The following INPP4B variants were observed in gnomAD, a reference collection of about 807,000 sequenced individuals.
INPP4B encodes inositol polyphosphate-4-phosphatase type II B, also known as inositol polyphosphate 4-phosphatase type II.
A neutral mutation model predicts 122.5 loss-of-function variants in INPP4B; 55 were observed. That is an observed-to-expected ratio of 0.45 (90% CI 0.36 to 0.56). The LOEUF (loss-of-function observed/expected upper bound fraction) is 0.56. Ranked by LOEUF, INPP4B falls within the 20% of genes least tolerant of loss-of-function variation. INPP4B has a pLI of 0.00. For missense variants in INPP4B, 1,000 were observed against 1,097.7 expected (o/e 0.91, Z 1.26); for synonymous variants, 403 against 388.7 (o/e 1.04, Z -0.43).
At chr4:142,786,039 T>C (rs1466470687) in intron 1 of INPP4B, among the ~76,000 whole-genome samples, 2 of 152,144 alleles carry the variant, frequency 1.3e-5, no homozygotes, top group Non-Finnish European at 2.9e-5. Context: ...TGCAGGTTAA[T>C]ATATAAACAT....
At chr4:142,736,204 A>G (rs1217221874) in intron 1 of INPP4B, among the ~76,000 whole-genome samples, 2 of 152,162 alleles carry the variant, frequency 1.3e-5, no homozygotes, top group African/African-American at 2.4e-5. Flanking sequence ...AGATGATCAG[A>G]AGGAATATTA....
At position 142,572,328 on chromosome 4, in the gene INPP4B, A is replaced by G. The variant is rs17016395; in HGVS notation, c.-190-109602T>C. ...GAACCTGAGAACAAGGTGCACCTGC[A>G]GAGAGAGCTGTGGGGTATCTACATT... On this transcript the variant is annotated intron_variant, in intron 2 of 25. Transcript: ENST00000262992. 3.3e-3 allele frequency among the ~76,000 whole-genome samples: 497 copies of G among 152,254 alleles called. 6 individuals are homozygous for G. Among genetic ancestry groups the G allele is most frequent in the East Asian group, 0.017 (90 of 5,162 alleles).
intron 17 of INPP4B, among the ~76,000 whole-genome samples, chr4:142,153,468 T>G (rs1243915287): frequency 2.0e-5 from 3 of 152,190 alleles, no homozygotes; most frequent in Non-Finnish European, 4.4e-5. Context: ...ATTTCTAATG[T>G]GTATGTATGC....
intron 1 of INPP4B, among the ~76,000 whole-genome samples, chr4:142,749,075 G>T (rs1187284518): frequency 2.0e-5 from 3 of 151,318 alleles, no homozygotes; most frequent in Non-Finnish European, 4.4e-5. Context: ...GGGAGGAGAA[G>T]TTGCTGTTAG....
intron 23 of INPP4B, among the ~76,000 whole-genome samples, chr4:142,102,829 A>T (rs1785144909): frequency 6.6e-6 from 1 of 152,048 alleles, no homozygotes; most frequent in African/African-American, 2.4e-5. Flanking sequence ...TCTCAGCAGG[A>T]TCAAGTATAG....
At position 142,377,513 on chromosome 4, in the gene INPP4B, G is replaced by A. The variant is rs137987260; in HGVS notation, c.372+25425C>T. 1.8e-3 allele frequency among the ~76,000 whole-genome samples: 279 copies of A among 152,048 alleles called. 2 individuals carry two copies. Among genetic ancestry groups the A allele is most frequent in the Non-Finnish European group, 3.0e-3 (204 of 67,962 alleles). On this transcript the variant is annotated intron_variant, in intron 7 of 25. Coordinates refer to ENST00000262992, the MANE Select transcript of INPP4B (RefSeq NM_001101669.3). Reference sequence around the variant, plus strand: ...ATGCTGCTCAAATAAGTATGATTTCGAAAGTGAATCTGGAAGAAGAGGGGT... The same window carrying A: ...ATGCTGCTCAAATAAGTATGATTTCAAAAGTGAATCTGGAAGAAGAGGGGT...
chr4:142,252,165 T>C (rs1282310104), intron 11 of INPP4B, among the ~76,000 whole-genome samples: 8 of 151,658 alleles, frequency 5.3e-5, no homozygotes, highest in African/African-American at 1.9e-4. Flanking sequence ...TATTAGCATA[T>C]TGCCTGTCAC....
chr4:142,230,780 T>C (rs1294063155), intron 12 of INPP4B, among the ~76,000 whole-genome samples: 3 of 152,176 alleles, frequency 2.0e-5, no homozygotes, highest in Non-Finnish European at 2.9e-5. Flanking sequence ...ATTATTTTCA[T>C]GGCAAAAACT....
intron 3 of INPP4B, among the ~76,000 whole-genome samples, chr4:142,449,039 C>T (rs1273546362): frequency 3.3e-5 from 5 of 152,106 alleles, no homozygotes; most frequent in African/African-American, 1.2e-4. Flanking sequence ...CATCAGGAGA[C>T]AATTGAATTC....
At chr4:142,817,473 G>A (rs547556305) in intron 1 of INPP4B, among the ~76,000 whole-genome samples, 4 of 152,184 alleles carry the variant, frequency 2.6e-5, no homozygotes, top group Admixed American at 6.6e-5. Flanking sequence ...ATCTTTGAAC[G>A]TACGGCTGCA....
intron 3 of INPP4B, among the ~76,000 whole-genome samples, chr4:142,453,018 T>C (rs1814647746): frequency 6.6e-6 from 1 of 152,154 alleles, no homozygotes; most frequent in South Asian, 2.1e-4. Context: ...AGGAAAATAA[T>C]ATATTGTCCA....
In INPP4B at chr4:142,115,669, C is replaced by T. The variant is rs183589191; in HGVS notation, c.2136-2987G>A. 6.8e-3 allele frequency among the ~76,000 whole-genome samples: 1,038 copies of T among 152,216 alleles called. 4 individuals are homozygous for T. The highest frequency in any genetic ancestry group is 0.011 in the Non-Finnish European group (781 of 68,012). On this transcript the variant is annotated intron_variant, in intron 21 of 25. Coordinates refer to ENST00000262992, the MANE Select transcript of INPP4B (RefSeq NM_001101669.3). ...AAGAGCTCCTCAAGGAAGCGCTAAA[C>T]GTGGAAAGGAACAACTGGTAGCAGC... is the stretch of plus-strand genomic sequence containing the variant.
chr4:142,254,956 A>C (rs1734871618), intron 11 of INPP4B, among the ~76,000 whole-genome samples: 1 of 152,152 alleles, frequency 6.6e-6, no homozygotes, highest in Admixed American at 6.5e-5. Context: ...GCCAGAGAGA[A>C]AGGTCGGGTT....
chr4:142,775,904 A>G (rs1773839592), intron 1 of INPP4B, among the ~76,000 whole-genome samples: 1 of 152,164 alleles, frequency 6.6e-6, no homozygotes, highest in African/African-American at 2.4e-5. Context: ...TTTTTATGAT[A>G]AATGAGTATT....
At chr4:142,401,157 TC>T (rs1801458619) in intron 7 of INPP4B, among the ~76,000 whole-genome samples, 1 of 152,116 alleles carries the variant, frequency 6.6e-6, no homozygotes, top group South Asian at 2.1e-4. Context: ...CACAGTTGCA[TC>T]ACCCACTCCC....
intron 2 of INPP4B, among the ~76,000 whole-genome samples, chr4:142,636,955 C>T (rs1259789888): frequency 6.6e-6 from 1 of 151,972 alleles, no homozygotes; most frequent in Non-Finnish European, 1.5e-5. Context: ...TGTTAAAATA[C>T]TCTAAAAACA....
At chr4:142,615,912 GA>G (rs1203360703) in intron 2 of INPP4B, among the ~76,000 whole-genome samples, 1 of 151,746 alleles carries the variant, frequency 6.6e-6, no homozygotes, top group Non-Finnish European at 1.5e-5. Flanking sequence ...ATTAATAGGA[GA>G]AAAAAAGGCA....
In INPP4B at chr4:142,023,641, T is replaced by A. The variant is rs1161695673; in HGVS notation, c.*5141A>T. The A allele has an allele frequency of 1.3e-5, 2 of 152,188 alleles. No individual in the cohort carries two copies. Among genetic ancestry groups the A allele is most frequent in the African/African-American group, 2.4e-5 (1 of 41,432 alleles). The allele number at this position is 152,188 out of a possible 1,614,324, so 9.4% of individuals were successfully genotyped here. On this transcript the variant is annotated 3_prime_UTR_variant, in exon 26 of 26. Transcript: ENST00000262992. ...TGTTACCTGTGAGTGCAATAGGTCATCATTGATCGCGTCCTTTCATGACCT... is the reference window on the plus strand; with the variant it reads ...TGTTACCTGTGAGTGCAATAGGTCAACATTGATCGCGTCCTTTCATGACCT...
At chr4:142,511,214 A>G (rs1283183821) in intron 2 of INPP4B, among the ~76,000 whole-genome samples, 1 of 152,140 alleles carries the variant, frequency 6.6e-6, no homozygotes, top group Non-Finnish European at 1.5e-5. Flanking sequence ...TAAAATCTCT[A>G]ATGTGCCAGT....
Sources: allele counts gnomAD v4.1 joint callset (sites outside exome capture counted in the v4.1 genomes callset), GRCh38; gene constraint gnomAD v4.1.1; transcripts MANE v1.5; gene names NCBI Gene and HGNC (gene_info 2026-07-23, HGNC 2026-07-21).